The following DEUP1 variants were observed in gnomAD, a reference collection of about 807,000 sequenced individuals.
DEUP1 encodes the protein coiled-coil domain containing 67.
DEUP1 carries 82 observed loss-of-function variants against 87.4 expected under a neutral mutation model. That is an observed-to-expected ratio of 0.94 (90% CI 0.78 to 1.13). The LOEUF is 1.13. DEUP1 is among the 50% of genes most tolerant of loss of function. DEUP1 has a pLI of 0.00. For synonymous variants in DEUP1, 214 were observed against 222.7 expected (o/e 0.96, Z 0.35); for missense variants, 663 against 681.5 (o/e 0.97, Z 0.30).
At chr11:93,377,946 C>T (rs534535171) in intron 7 of DEUP1, among the ~76,000 whole-genome samples, 2 of 151,878 alleles carry the variant, frequency 1.3e-5, no homozygotes, top group Admixed American at 6.6e-5. Context: ...TCCCTTTCAG[C>T]TTGTAGGATT....
intron 13 of DEUP1, among the ~76,000 whole-genome samples, chr11:93,434,179 C>G (rs890200986): frequency 6.6e-6 from 1 of 152,170 alleles, no homozygotes; most frequent in East Asian, 1.9e-4. Context: ...AGCTTCTTCA[C>G]GATTCTTGCT....
At position 93,428,489 on chromosome 11, in the gene DEUP1, A is replaced by C. The variant is rs532364881; in HGVS notation, c.1639-9054A>C. Among the ~76,000 whole-genome samples, 262 of 152,168 alleles carry C rather than the reference A, an allele frequency of 1.7e-3. 1 individual carries two copies. Among genetic ancestry groups the C allele is most frequent in the Non-Finnish European group, 3.0e-3 (204 of 68,000 alleles). On this transcript the variant is annotated intron_variant, in intron 13 of 13. Coordinates refer to ENST00000298050, the MANE Select transcript of DEUP1 (RefSeq NM_181645.4). ...AGGGATAGCATTAGGAGATATACCTAATGCTAAATGACGAGTTAATGGGTG... is the reference window on the plus strand; with the variant it reads ...AGGGATAGCATTAGGAGATATACCTCATGCTAAATGACGAGTTAATGGGTG...
chr11:93,377,923 G>T (rs1461595408), intron 7 of DEUP1, among the ~76,000 whole-genome samples: 1 of 151,696 alleles, frequency 6.6e-6, no homozygotes, highest in Non-Finnish European at 1.5e-5. Context: ...GGAGCCTAAA[G>T]ATAGGATCCC....
intron 7 of DEUP1, among the ~76,000 whole-genome samples, chr11:93,373,613 G>GCA (rs1945858056): frequency 2.0e-5 from 1 of 51,094 alleles, no homozygotes; most frequent in African/African-American, 6.1e-5. Flanking sequence ...ATTTATATAT[G>GCA]TATATATATA....
intron 4 of DEUP1, 184 bp downstream of exon 4, chr11:93,357,227 CTATATTTTCTGTGCCTCTGT>C (rs1944941032): frequency 2.0e-6 from 1 of 488,822 alleles, no homozygotes; most frequent in South Asian, 2.9e-5. Flanking sequence ...TGTTGTCTTG[CTATATTTTCTGTGCCTCTGT>C]TAGCACAGTA....
Position 93,389,052 on chromosome 11 carries a change from A to C in DEUP1, c.968A>C (p.Glu323Ala). Residue 323 changes from glutamate to alanine, a missense_variant, in exon 9 of 14, where the codon GAA (glutamate) becomes GCA (alanine). Transcript: ENST00000298050. Reference sequence around the variant, plus strand: ...TCATCTTATTTGCCTTCTATTAAAGAACCAGAAAGGAAAATAAAAGAGCTG... The same window carrying C: ...TCATCTTATTTGCCTTCTATTAAAGCACCAGAAAGGAAAATAAAAGAGCTG... ...LESSYLPSIK[E>A]PERKIKELFS... 6 of 1,595,816 alleles carry C rather than the reference A, an allele frequency of 3.8e-6. No homozygotes were observed. In the South Asian group the frequency reaches 5.7e-5, roughly 15 times the overall value.
intron 4 of DEUP1, among the ~76,000 whole-genome samples, chr11:93,358,292 T>C (rs1398889299): frequency 4.6e-5 from 7 of 152,238 alleles, no homozygotes; most frequent in Non-Finnish European, 8.8e-5. Flanking sequence ...ATCCTTGCCA[T>C]TTGATGCTTT....
At chr11:93,375,989 C>T (rs999326529) in intron 7 of DEUP1, among the ~76,000 whole-genome samples, 2 of 152,044 alleles carry the variant, frequency 1.3e-5, no homozygotes, top group Non-Finnish European at 2.9e-5. Flanking sequence ...TCACTCTGTT[C>T]CCCAGGCTGG....
chr11:93,358,797 G>A (rs117199288), intron 4 of DEUP1, among the ~76,000 whole-genome samples: 1,730 of 152,192 alleles, frequency 0.011, 22 homozygotes, highest in South Asian at 0.072. Flanking sequence ...TGGCCTGTCT[G>A]GTCTTGAACT....
chr11:93,358,305 C>G (rs971591397), intron 4 of DEUP1, among the ~76,000 whole-genome samples: 1 of 152,108 alleles, frequency 6.6e-6, no homozygotes, highest in Non-Finnish European at 1.5e-5. Flanking sequence ...GATGCTTTGC[C>G]GCTCTATTTT....
At chr11:93,355,840 C>T (rs1198118899) in intron 3 of DEUP1, among the ~76,000 whole-genome samples, 1 of 152,150 alleles carries the variant, frequency 6.6e-6, no homozygotes, top group Non-Finnish European at 1.5e-5. Context: ...GATGTAAGTA[C>T]TCTTGCTGCT....
intron 13 of DEUP1, among the ~76,000 whole-genome samples, chr11:93,420,374 C>A (rs1244926337): frequency 6.6e-6 from 1 of 152,090 alleles, no homozygotes; most frequent in Admixed American, 6.5e-5. Context: ...ATGCTTCATG[C>A]TAAAAACTCA....
chr11:93,355,045 A>G (rs1944829171), intron 2 of DEUP1, among the ~76,000 whole-genome samples: 1 of 152,210 alleles, frequency 6.6e-6, no homozygotes, highest in African/African-American at 2.4e-5. Flanking sequence ...TTCTGAAGTT[A>G]TGATAGACAT....
chr11:93,334,153 T>C (rs1943631599), intron 2 of DEUP1, among the ~76,000 whole-genome samples: 1 of 152,178 alleles, frequency 6.6e-6, no homozygotes, highest in African/African-American at 2.4e-5. Flanking sequence ...ACACACTGCC[T>C]ACCACGGTCT....
At chr11:93,371,853 T>C (rs1945745821) in intron 7 of DEUP1, among the ~76,000 whole-genome samples, 1 of 152,230 alleles carries the variant, frequency 6.6e-6, no homozygotes, top group South Asian at 2.1e-4. Flanking sequence ...TTTTTGTCTA[T>C]TTCTTGCAAC....
intron 11 of DEUP1, among the ~76,000 whole-genome samples, chr11:93,397,773 TG>T (rs1946985071): frequency 6.6e-6 from 1 of 152,212 alleles, no homozygotes; most frequent in African/African-American, 2.4e-5. Context: ...ATGGGTTGAA[TG>T]TTCTTTTACA....
Position 93,396,704 on chromosome 11 carries a change from T to A in DEUP1, c.1326+379T>A, listed in dbSNP as rs964410360. Among the ~76,000 whole-genome samples the A allele has an allele frequency of 1.8e-4, 28 of 152,308 alleles. 1 individual carries two copies. The highest frequency in any genetic ancestry group is 6.7e-4 in the African/African-American group (28 of 41,574). The stretch of plus-strand genomic sequence containing the variant: ...CAGTCAGAATGAATGCCACATTTAG[T>A]TCGTATTTTGTTCTGACTTGTTTTG... On this transcript the variant is annotated intron_variant, in intron 11 of 13. Transcript: ENST00000298050.
At chr11:93,363,239 G>C (rs969837274) in intron 4 of DEUP1, among the ~76,000 whole-genome samples, 3 of 151,860 alleles carry the variant, frequency 2.0e-5, no homozygotes, top group African/African-American at 7.2e-5. Flanking sequence ...GACTAAGTGT[G>C]ATTCTAAAGG....
At position 93,356,689 on chromosome 11, in the gene DEUP1, T is replaced by G. The variant is rs186255106; in HGVS notation, c.202-259T>G. ...GATAATGCAAAGTAAATTCTAACCC[T>G]GAATTTTAAATGTGATGATGATAAG... On this transcript the variant is annotated intron_variant, in intron 3 of 13. Coordinates refer to ENST00000298050, the MANE Select transcript of DEUP1 (RefSeq NM_181645.4). Among the ~76,000 whole-genome samples, 52 of 152,308 alleles carry G rather than the reference T, an allele frequency of 3.4e-4. No homozygotes were observed. In the East Asian group the frequency reaches 8.5e-3, roughly 25 times the overall value.
Sources: gnomAD v4.1 joint callset for allele counts (sites outside exome capture counted in the v4.1 genomes callset) on GRCh38, gnomAD v4.1.1 for gene constraint, MANE v1.5 for transcripts, NCBI Gene and HGNC (gene_info 2026-07-23, HGNC 2026-07-21) for gene names.